Variants in GALNT13 observed in about 807,000 individuals in gnomAD.
The protein encoded by GALNT13 is UDP-GalNAc:polypeptide N-acetylgalactosaminyltransferase 13.
In GALNT13, 28 loss-of-function variants were observed where a neutral mutation model predicts 64.2. The observed-to-expected ratio is 0.44, with a 90% CI of 0.32 to 0.60. GALNT13 has a LOEUF of 0.60. Among genes scored for constraint, GALNT13 ranks in the 20% least tolerant of loss-of-function variants. The pLI, the probability that GALNT13 is intolerant of heterozygous loss-of-function variation, is 0.05. For synonymous variants in GALNT13, 214 were observed against 224.6 expected (o/e 0.95, Z 0.42); for missense variants, 577 against 669.8 (o/e 0.86, Z 1.53).
At position 153,944,411 on chromosome 2, in the gene GALNT13, T is replaced by G; in HGVS notation, c.-87T>G. ...TAATGCAGTGGAATGTATCCTGCTT[T>G]CATCTTGGAGTTCACCTGTGTGGCT... On this transcript the variant is annotated 5_prime_UTR_variant, in exon 3 of 13. Coordinates refer to ENST00000392825, the MANE Select transcript of GALNT13 (RefSeq NM_052917.4). The G allele has an allele frequency of 1.6e-6, 2 of 1,214,342 alleles. No individual in the cohort carries two copies. Among genetic ancestry groups the G allele is most frequent in the Non-Finnish European group, 2.3e-6 (2 of 853,640 alleles). 75.2% of individuals were successfully genotyped at this position (1,214,342 alleles called of 1,614,324 possible).
chr2:154,397,079 A>G (rs1014257673), intron 10 of GALNT13, among the ~76,000 whole-genome samples: 5 of 151,996 alleles, frequency 3.3e-5, no homozygotes, highest in Non-Finnish European at 7.4e-5. Context: ...CTCCATATTG[A>G]TAATTTTCCA....
chr2:153,478,518 C>G, the GALNT13 span: 10 of 1,607,090 alleles, frequency 6.2e-6, no homozygotes, highest in Non-Finnish European at 8.5e-6. Flanking sequence ...TGCTGTTGGC[C>G]AGGAACAGGC....
In GALNT13 at chr2:154,451,538, C is replaced by A. The variant is rs1701870686; in HGVS notation, c.*987C>A. 6.6e-6 allele frequency: 1 copy of A among 151,978 alleles called. No individual in the cohort carries two copies. The highest frequency in any genetic ancestry group is 1.5e-5 in the Non-Finnish European group (1 of 67,984). 9.4% of individuals were successfully genotyped at this position (151,978 alleles called of 1,614,324 possible). ...TTTCATTTTCTATGTTAAAGAATACCTTTCAGTGCTGTGCTCCAGTATCTA... is the reference window on the plus strand; with the variant it reads ...TTTCATTTTCTATGTTAAAGAATACATTTCAGTGCTGTGCTCCAGTATCTA... On this transcript the variant is annotated 3_prime_UTR_variant, in exon 13 of 13. Coordinates refer to ENST00000392825, the MANE Select transcript of GALNT13 (RefSeq NM_052917.4).
chr2:153,884,805 A>ATGTGTG (rs1365077072), intron 1 of GALNT13, among the ~76,000 whole-genome samples: 8 of 133,636 alleles, frequency 6.0e-5, no homozygotes, highest in African/African-American at 1.8e-4. Context: ...ATATATATAT[A>ATGTGTG]TGTGTGTGTG....
chr2:153,497,522 A>ATTTTTTTTTTTTTT, the GALNT13 span, among the ~76,000 whole-genome samples: 60 of 36,898 alleles, frequency 1.6e-3, 19 homozygotes, highest in African/African-American at 2.6e-3. Flanking sequence ...TTTCTCCCGC[A>ATTTTTTTTTTTTTT]TTTTTTTTTT....
chr2:154,136,244 A>AT (rs1682942690), intron 3 of GALNT13, among the ~76,000 whole-genome samples: 1 of 152,160 alleles, frequency 6.6e-6, no homozygotes, highest in Non-Finnish European at 1.5e-5. Flanking sequence ...AATTTGAAAG[A>AT]TTTTTTTGAC....
At chr2:154,103,884 A>G (rs143705425) in intron 3 of GALNT13, among the ~76,000 whole-genome samples, 253 of 152,270 alleles carry the variant, frequency 1.7e-3, no homozygotes, top group African/African-American at 5.7e-3. Flanking sequence ...TTCATACTCT[A>G]GCATGATTCC....
chr2:153,982,258 T>C (rs1694513993), intron 3 of GALNT13, among the ~76,000 whole-genome samples: 1 of 152,122 alleles, frequency 6.6e-6, no homozygotes, highest in Non-Finnish European at 1.5e-5. Flanking sequence ...TTATGATCCA[T>C]TTGCAAGGAC....
At chr2:153,296,123 T>C in the GALNT13 span, among the ~76,000 whole-genome samples, 1 of 152,178 alleles carries the variant, frequency 6.6e-6, no homozygotes, top group Admixed American at 6.5e-5. Flanking sequence ...ATCTCTGCAT[T>C]CAGTCTGCTA....
chr2:153,441,241 A>C, the GALNT13 span, among the ~76,000 whole-genome samples: 1 of 152,138 alleles, frequency 6.6e-6, no homozygotes, highest in Non-Finnish European at 1.5e-5. Flanking sequence ...CAGGTTTGTC[A>C]AAAAACAGAT....
the GALNT13 span, among the ~76,000 whole-genome samples, chr2:153,409,376 G>GTATA: frequency 1.1e-4 from 14 of 121,786 alleles, no homozygotes; most frequent in African/African-American, 3.6e-4. Flanking sequence ...TCATATGTGT[G>GTATA]TATATATATA....
At chr2:153,733,334 C>T in the GALNT13 span, among the ~76,000 whole-genome samples, 2 of 152,128 alleles carry the variant, frequency 1.3e-5, 1 homozygote, top group South Asian at 4.1e-4. Context: ...TGAAGTTAGC[C>T]TGCCCTTCAT....
chr2:154,293,512 C>T (rs1574034002), intron 8 of GALNT13, among the ~76,000 whole-genome samples: 1 of 152,108 alleles, frequency 6.6e-6, no homozygotes, highest in East Asian at 1.9e-4. Flanking sequence ...TTACTTCATC[C>T]CATATCAAGT....
At chr2:153,440,317 A>C in the GALNT13 span, among the ~76,000 whole-genome samples, 1 of 152,188 alleles carries the variant, frequency 6.6e-6, no homozygotes, top group Non-Finnish European at 1.5e-5. Flanking sequence ...TCCGTCGTGT[A>C]TATGTGCCAC....
chr2:153,715,996 A>G, the GALNT13 span, among the ~76,000 whole-genome samples: 1 of 152,042 alleles, frequency 6.6e-6, no homozygotes, highest in African/African-American at 2.4e-5. Flanking sequence ...TTGTTTTCAT[A>G]TTGTTGAAAG....
At chr2:153,966,451 C>T (rs1329653664) in intron 3 of GALNT13, among the ~76,000 whole-genome samples, 1 of 151,130 alleles carries the variant, frequency 6.6e-6, no homozygotes, top group African/African-American at 2.4e-5. Context: ...CTGCAAGCTC[C>T]GCCTGCCGGG....
chr2:153,490,911 G>A, the GALNT13 span, among the ~76,000 whole-genome samples: 1 of 148,060 alleles, frequency 6.8e-6, no homozygotes, highest in Admixed American at 6.8e-5. Flanking sequence ...AATGAGCCGA[G>A]ATTGTGCCAC....
the GALNT13 span, among the ~76,000 whole-genome samples, chr2:153,844,535 C>A: frequency 6.6e-6 from 1 of 152,238 alleles, no homozygotes; most frequent in Admixed American, 6.5e-5. Flanking sequence ...GAAAGGCCTT[C>A]AAAGCCTTTT....
chr2:153,126,321 TATATATATATATATATA>T, the GALNT13 span, among the ~76,000 whole-genome samples: 11,969 of 125,820 alleles, frequency 0.095, 758 homozygotes, highest in African/African-American at 0.13. Flanking sequence ...TATATATATA[TATATATATATATATATA>T]TATATATATG....
Sources: allele counts gnomAD v4.1 joint callset (sites outside exome capture counted in the v4.1 genomes callset), GRCh38; gene constraint gnomAD v4.1.1; transcripts MANE v1.5; gene names NCBI Gene and HGNC (gene_info 2026-07-23, HGNC 2026-07-21).